The following NF1 variants were observed in gnomAD, a reference collection of about 807,000 sequenced individuals.
The protein encoded by NF1 is neurofibromin.
Under a neutral mutation model 325.7 loss-of-function variants are expected in NF1, and 122 were observed. That is an observed-to-expected ratio of 0.37 (90% CI 0.32 to 0.44). NF1 has a LOEUF of 0.44. NF1 is among the 20% of genes least tolerant of loss of function. The probability of loss-of-function intolerance (pLI) is 1.00; values close to 1 mark genes in which losing one functional copy is unlikely to be tolerated. For missense variants in NF1, 2,140 were observed against 3,415.4 expected, an observed-to-expected ratio of 0.63 and a Z score of 9.31; for synonymous variants, 1,091 against 1,186.0, an observed-to-expected ratio of 0.92 and a Z score of 1.65.
At chr17:31,366,455 C>T (rs1032309246) in intron 57 of NF1, among the ~76,000 whole-genome samples, 2 of 152,178 alleles carry the variant, frequency 1.3e-5, no homozygotes, top group African/African-American at 4.8e-5. Flanking sequence ...GAGAAGCTGG[C>T]TAGATCAGGT....
chr17:31,315,537 G>A (rs561506070), intron 36 of NF1, among the ~76,000 whole-genome samples: 2 of 152,116 alleles, frequency 1.3e-5, no homozygotes, highest in East Asian at 3.9e-4. Context: ...CACCTACTAT[G>A]TACCCACAAA....
chr17:31,332,326 C>CGG (rs2069522695), intron 39 of NF1, among the ~76,000 whole-genome samples: 1 of 151,524 alleles, frequency 6.6e-6, no homozygotes, highest in Non-Finnish European at 1.5e-5. Flanking sequence ...TAGCCGGGCT[C>CGG]GGTGGTACAT....
At chr17:31,201,671 G>A (rs976975485) in intron 11 of NF1, among the ~76,000 whole-genome samples, 186 bp downstream of exon 11, 10 of 152,078 alleles carry the variant, frequency 6.6e-5, no homozygotes, top group Non-Finnish European at 1.5e-4. Flanking sequence ...TTCATATTAA[G>A]TCTTGACCGA....
intron 1 of NF1, among the ~76,000 whole-genome samples, chr17:31,143,201 G>A (rs1232650898): frequency 6.6e-6 from 1 of 151,742 alleles, no homozygotes; most frequent in Non-Finnish European, 1.5e-5. Context: ...TTATTCTTTA[G>A]TATTTGTCCT....
chr17:31,231,082 CT>C (rs59368772), intron 24 of NF1, among the ~76,000 whole-genome samples, 157 bp downstream of exon 24: 10 of 151,798 alleles, frequency 6.6e-5, no homozygotes, highest in East Asian at 1.9e-4. Flanking sequence ...TTTATTACTG[CT>C]TTTTTTTGAC....
Position 31,376,741 on chromosome 17 carries a change from TC to T in NF1, c.*2590del, listed in dbSNP as rs1425972998. 2 of 233,256 alleles carry T rather than the reference TC, an allele frequency of 8.6e-6. No individual in the cohort carries two copies. Among genetic ancestry groups the T allele is most frequent in the East Asian group, 6.0e-5 (1 of 16,594 alleles). The allele number at this position is 233,256 out of a possible 1,614,324, so 14.4% of individuals were successfully genotyped here. On this transcript the variant is annotated 3_prime_UTR_variant, in exon 58 of 58. Transcript: ENST00000358273. ...TAATTCGTTTCGGTTTGTAGATGTT[TC>T]CCCTGACTTGTTAAAGAGGAAACCA...
intron 4 of NF1, among the ~76,000 whole-genome samples, chr17:31,168,026 G>A (rs923483208): frequency 6.6e-6 from 1 of 152,048 alleles, no homozygotes; most frequent in Non-Finnish European, 1.5e-5. Flanking sequence ...TTTCATTCGT[G>A]TTTCAAAAAT....
intron 29 of NF1, among the ~76,000 whole-genome samples, chr17:31,240,134 T>C (rs9898664): frequency 0.47 from 71,555 of 152,068 alleles, 20,687 homozygotes; most frequent in African/African-American, 0.81. Context: ...AATAAGTTCT[T>C]GTTGACTGTA....
chr17:31,309,916 C>T (rs2068822869), intron 36 of NF1, among the ~76,000 whole-genome samples: 1 of 152,170 alleles, frequency 6.6e-6, no homozygotes, highest in South Asian at 2.1e-4. Context: ...CTTCAGTTAG[C>T]TTTTTATCCT....
At chr17:31,295,112 G>A in intron 36 of NF1, 1 of 1,614,164 alleles carries the variant, frequency 6.2e-7, no homozygotes, top group Non-Finnish European at 8.5e-7. Context: ...ATTTGTGGTT[G>A]TCTCTTCCCT....
chr17:31,339,766 A>G (rs1044012554), intron 46 of NF1, among the ~76,000 whole-genome samples: 5 of 152,212 alleles, frequency 3.3e-5, no homozygotes, highest in African/African-American at 1.2e-4. Context: ...AGTAATAAAT[A>G]CTTTTAATTC....
At chr17:31,173,155 G>A (rs1373386871) in intron 5 of NF1, among the ~76,000 whole-genome samples, 2 of 152,156 alleles carry the variant, frequency 1.3e-5, no homozygotes, top group East Asian at 1.9e-4. Context: ...GGTGGCTCAC[G>A]CCTGTAATCC....
intron 27 of NF1, among the ~76,000 whole-genome samples, chr17:31,233,632 T>G (rs2067152392): frequency 2.6e-5 from 4 of 152,252 alleles, no homozygotes; most frequent in Admixed American, 2.6e-4. Flanking sequence ...ATATTTGCAT[T>G]TGATATTATG....
intron 36 of NF1, among the ~76,000 whole-genome samples, chr17:31,287,982 G>C (rs1419792456): frequency 6.6e-6 from 1 of 151,048 alleles, no homozygotes; most frequent in East Asian, 1.9e-4. Context: ...CCTAATGCTA[G>C]ATGACGAGTT....
At chr17:31,112,337 A>T (rs146907835) in intron 1 of NF1, among the ~76,000 whole-genome samples, 131 of 152,304 alleles carry the variant, frequency 8.6e-4, no homozygotes, top group African/African-American at 3.0e-3. Context: ...ATGTTACAGG[A>T]TATTATATTC....
intron 35 of NF1, among the ~76,000 whole-genome samples, chr17:31,262,073 A>G (rs933782107): frequency 3.9e-5 from 6 of 152,180 alleles, no homozygotes; most frequent in African/African-American, 1.4e-4. Flanking sequence ...AACAAATCAT[A>G]TTTTATCATC....
chr17:31,231,958 A>G, intron 24 of NF1, 115 bp from the exon 25 acceptor site: 1 of 649,260 alleles, frequency 1.5e-6, no homozygotes, highest in Non-Finnish European at 2.7e-6. Context: ...GTTTAATGAA[A>G]TAGGTAGTTC....
intron 12 of NF1, among the ~76,000 whole-genome samples, chr17:31,209,654 T>C (rs889548499): frequency 6.6e-6 from 1 of 152,162 alleles, no homozygotes; most frequent in Non-Finnish European, 1.5e-5. Flanking sequence ...TTTTTTCTTC[T>C]TGAGACAGAG....
chr17:31,125,249 TA>T (rs1914780798), intron 1 of NF1, among the ~76,000 whole-genome samples: 3 of 152,134 alleles, frequency 2.0e-5, no homozygotes, highest in Admixed American at 2.0e-4. Flanking sequence ...TTTTGAGCGT[TA>T]ATCTATGGTA....
Sources: gnomAD v4.1 joint callset for allele counts (sites outside exome capture counted in the v4.1 genomes callset) on GRCh38, gnomAD v4.1.1 for gene constraint, MANE v1.5 for transcripts, NCBI Gene and HGNC (gene_info 2026-07-23, HGNC 2026-07-21) for gene names.